KCNG3: variants seen among roughly 807,000 people sequenced by gnomAD.
KCNG3 encodes the protein potassium voltage-gated channel modifier subfamily G member 3.
In KCNG3, 15 loss-of-function variants were observed where a neutral mutation model predicts 29.0. That is an observed-to-expected ratio of 0.52 (90% CI 0.35 to 0.80). The LOEUF is 0.80. Ranked by LOEUF, KCNG3 falls within the 30% of genes least tolerant of loss-of-function variation. KCNG3 has a pLI of 0.01. For synonymous variants in KCNG3, 322 were observed against 248.9 expected (o/e 1.29, Z -2.76); for missense variants, 512 against 605.7 (o/e 0.85, Z 1.62).
intron 1 of KCNG3, among the ~76,000 whole-genome samples, chr2:42,482,630 G>A (rs1673617596): frequency 6.6e-6 from 1 of 152,222 alleles, no homozygotes; most frequent in South Asian, 2.1e-4. Context: ...TCAGGGGGCT[G>A]AGGCACAAGA....
chr2:42,399,763 T>C, the KCNG3 span, among the ~76,000 whole-genome samples: 5 of 152,058 alleles, frequency 3.3e-5, no homozygotes, highest in Non-Finnish European at 5.9e-5. Flanking sequence ...GTGCACAGGG[T>C]TGCTTTCTCC....
rs1288824408 is a variant in KCNG3 at position 42,444,886 on chromosome 2, ACC to A, written c.666-309_666-308del. 1.1e-5 allele frequency among the ~76,000 whole-genome samples: 1 copy of A among 87,212 alleles called. No homozygotes were observed. The highest frequency in any genetic ancestry group is 4.8e-4 in the South Asian group (1 of 2,102). 57.2% of individuals were successfully genotyped at this position (87,212 alleles called of 152,430 possible). On this transcript the variant is annotated intron_variant, in intron 1 of 1. Transcript: ENST00000306078. The surrounding 1 kb of genome is among the most constrained non-coding windows in gnomAD (Gnocchi z 5.8). ...AGACCAACCTGGGCACCACAGCAAA[ACC>A]CCGTCTCCACAAAAAAAAAATACAA...
chr2:42,477,427 ATTTTTT>A (rs768215543), intron 1 of KCNG3, among the ~76,000 whole-genome samples: 4,899 of 108,722 alleles, frequency 0.045, 183 homozygotes, highest in East Asian at 0.11. Context: ...ACACACATAT[ATTTTTT>A]TTTTTTTTTT....
chr2:42,408,678 C>T, the KCNG3 span, among the ~76,000 whole-genome samples: 6 of 152,184 alleles, frequency 3.9e-5, no homozygotes, highest in Non-Finnish European at 8.8e-5. Context: ...TGCTCACCCT[C>T]CTGCTCACCC....
the KCNG3 span, among the ~76,000 whole-genome samples, chr2:42,401,447 A>G: frequency 1.3e-5 from 2 of 151,094 alleles, no homozygotes; most frequent in African/African-American, 2.4e-5. Context: ...ATATATACAT[A>G]TATGTATTTT....
At chr2:42,403,934 T>G in the KCNG3 span, among the ~76,000 whole-genome samples, 1 of 152,166 alleles carries the variant, frequency 6.6e-6, no homozygotes, top group African/African-American at 2.4e-5. Context: ...TACTTTAACT[T>G]TCTTCTGTTT....
At chr2:42,411,315 G>T in the KCNG3 span, among the ~76,000 whole-genome samples, 32 of 152,126 alleles carry the variant, frequency 2.1e-4, 1 homozygote, top group African/African-American at 7.5e-4. Context: ...TTAAACAAGT[G>T]TCAGCATTTT....
chr2:42,399,235 T>C, the KCNG3 span, among the ~76,000 whole-genome samples: 1 of 151,924 alleles, frequency 6.6e-6, no homozygotes, highest in Non-Finnish European at 1.5e-5. Flanking sequence ...TTTTGTGCCT[T>C]TTATAGGGAC....
chr2:42,411,242 A>G, the KCNG3 span, among the ~76,000 whole-genome samples: 1 of 151,844 alleles, frequency 6.6e-6, no homozygotes, highest in East Asian at 1.9e-4. Context: ...TACTTTTTTC[A>G]ATTTTATTCT....
chr2:42,438,335 G>C (rs907499559), downstream of KCNG3, among the ~76,000 whole-genome samples: 1 of 152,118 alleles, frequency 6.6e-6, no homozygotes, highest in Non-Finnish European at 1.5e-5. Flanking sequence ...CCAAATAACA[G>C]AAATAGTGAT....
chr2:42,431,168 TTCA>T, the KCNG3 span, among the ~76,000 whole-genome samples: 1 of 152,076 alleles, frequency 6.6e-6, no homozygotes, highest in Middle Eastern at 3.2e-3. Context: ...TGCTATAATT[TTCA>T]TTACTAGGAG....
At chr2:42,403,480 T>G in the KCNG3 span, among the ~76,000 whole-genome samples, 3 of 137,300 alleles carry the variant, frequency 2.2e-5, no homozygotes, top group Non-Finnish European at 4.7e-5. Context: ...CTTTTCTGTT[T>G]TTTTTTTTTT....
chr2:42,476,486 T>TA (rs201173618), intron 1 of KCNG3, among the ~76,000 whole-genome samples: 23 of 148,826 alleles, frequency 1.5e-4, no homozygotes, highest in East Asian at 4.0e-4. Context: ...AATAAAAATT[T>TA]AAAAAAAAAA....
chr2:42,439,729 C>G (rs1053386863), downstream of KCNG3, among the ~76,000 whole-genome samples: 1 of 151,892 alleles, frequency 6.6e-6, no homozygotes, highest in Non-Finnish European at 1.5e-5. Flanking sequence ...TCACTGCAAC[C>G]TCTGCCTCCC....
intron 1 of KCNG3, among the ~76,000 whole-genome samples, chr2:42,485,480 T>A (rs995629485): frequency 2.0e-5 from 3 of 151,812 alleles, no homozygotes; most frequent in African/African-American, 7.3e-5. Context: ...AGTCTCACTC[T>A]GTCACCCAGG....
chr2:42,446,287 G>A (rs760164474), intron 1 of KCNG3, among the ~76,000 whole-genome samples: 11 of 150,946 alleles, frequency 7.3e-5, no homozygotes, highest in Non-Finnish European at 1.0e-4. Flanking sequence ...AGCAATTCTC[G>A]TGCCTCACCC....
chr2:42,394,294 GAGACACAGTCTGCC>G, the KCNG3 span, among the ~76,000 whole-genome samples: 2 of 152,168 alleles, frequency 1.3e-5, no homozygotes, highest in Non-Finnish European at 2.9e-5. Context: ...TAGACATAGG[GAGACACAGTCTGCC>G]GACACCACGG....
intron 1 of KCNG3, among the ~76,000 whole-genome samples, chr2:42,467,914 T>C (rs1673183913): frequency 6.7e-6 from 1 of 149,378 alleles, no homozygotes; most frequent in Non-Finnish European, 1.5e-5. Context: ...GAGGCTGCAG[T>C]GAGCCATTAT....
chr2:42,403,425 G>A, the KCNG3 span, among the ~76,000 whole-genome samples: 1 of 150,620 alleles, frequency 6.6e-6, no homozygotes, highest in Non-Finnish European at 1.5e-5. Context: ...TTACAGGCAT[G>A]AGCCACCATA....
Sources: allele counts gnomAD v4.1 joint callset (sites outside exome capture counted in the v4.1 genomes callset), GRCh38; gene constraint gnomAD v4.1.1; non-coding constraint Gnocchi (gnomAD v3.1); transcripts MANE v1.5; gene names NCBI Gene and HGNC (gene_info 2026-07-23, HGNC 2026-07-21).